Variants in MAD1L1 observed in about 807,000 individuals in gnomAD.
MAD1L1 encodes mitotic arrest deficient 1 like 1.
Under a neutral mutation model 96.9 loss-of-function variants are expected in MAD1L1, and 95 were observed. The observed-to-expected ratio is 0.98, with a 90% CI of 0.83 to 1.16. The LOEUF (loss-of-function observed/expected upper bound fraction) is 1.16, where lower values mean the gene tolerates loss of function less well. Ranked by LOEUF, MAD1L1 falls within the 50% of genes most tolerant of loss-of-function variation. The probability of loss-of-function intolerance (pLI) is 0.00; values close to 1 mark genes in which losing one functional copy is unlikely to be tolerated. For synonymous variants in MAD1L1, 473 were observed against 396.6 expected, an observed-to-expected ratio of 1.19 and a Z score of -2.29; for missense variants, 1,007 against 954.4, an observed-to-expected ratio of 1.06 and a Z score of -0.73.
intron 18 of MAD1L1, among the ~76,000 whole-genome samples, chr7:1,888,412 G>A (rs1368763183): frequency 6.6e-6 from 1 of 150,802 alleles, no homozygotes; most frequent in East Asian, 2.0e-4. Flanking sequence ...GTGGCTGCCT[G>A]TGCATGTGAG....
rs1167385152 is a variant in MAD1L1, at chr7:2,216,373, GA to G, written c.679-87del. On this transcript the variant is annotated intron_variant, in intron 7 of 18. Coordinates refer to ENST00000265854, the MANE Select transcript of MAD1L1 (RefSeq NM_001013836.2). ...ATCACACGCACACGGCTAAGAGAAGGAAGCCGGTCTGCAACGGCTATACACA... is the reference window on the plus strand; with the variant it reads ...ATCACACGCACACGGCTAAGAGAAGGAGCCGGTCTGCAACGGCTATACACA... 7.1e-6 allele frequency: 10 copies of G among 1,405,246 alleles called. No individual in the cohort carries two copies. The African/African-American group carries it at 1.3e-4, about 18-fold the overall frequency. 87.0% of individuals were successfully genotyped at this position (1,405,246 alleles called of 1,614,324 possible). A position where few individuals can be genotyped will look rare whatever the true frequency, so the allele number is the denominator to read the frequency against.
intron 18 of MAD1L1, among the ~76,000 whole-genome samples, chr7:1,820,512 A>AC (rs1386553123): frequency 6.6e-6 from 1 of 152,138 alleles, no homozygotes; most frequent in Non-Finnish European, 1.5e-5. Flanking sequence ...CACACCTGTA[A>AC]TCTTTGCACT....
chr7:2,195,509 T>C (rs1190674993), intron 10 of MAD1L1, among the ~76,000 whole-genome samples: 1 of 152,194 alleles, frequency 6.6e-6, no homozygotes, highest in Non-Finnish European at 1.5e-5. Context: ...TCCTATCAGC[T>C]CAAAAGCAGA....
intron 18 of MAD1L1, among the ~76,000 whole-genome samples, chr7:1,872,166 C>A (rs967398675): frequency 6.6e-6 from 1 of 152,224 alleles, no homozygotes; most frequent in African/African-American, 2.4e-5. Flanking sequence ...GAGGCTGACA[C>A]CTACCCCGCA....
intron 17 of MAD1L1, among the ~76,000 whole-genome samples, chr7:1,908,986 A>G (rs971079169): frequency 1.3e-5 from 2 of 152,190 alleles, no homozygotes; most frequent in African/African-American, 4.8e-5. Flanking sequence ...CAGCATTGGC[A>G]TCTCCAGATC....
chr7:1,930,969 G>A (rs1415623871), intron 17 of MAD1L1, among the ~76,000 whole-genome samples: 1 of 152,204 alleles, frequency 6.6e-6, no homozygotes, highest in Non-Finnish European at 1.5e-5. Flanking sequence ...CCCTTTGCAG[G>A]GACTGTGCAG....
At chr7:2,170,607 T>C (rs1340808422) in intron 10 of MAD1L1, among the ~76,000 whole-genome samples, 1 of 152,124 alleles carries the variant, frequency 6.6e-6, no homozygotes, top group South Asian at 2.1e-4. Context: ...CTCGTGGTCA[T>C]TGCTTCATCT....
chr7:2,119,448 T>G lies in MAD1L1; in HGVS notation c.1073+29704A>C, dbSNP rs1426657118. ...GAGCTGTCGTGGGGCGCACACTCTC[T>G]GTAGCTGGCCAAAGCTGGACGACGC... On this transcript the variant is annotated intron_variant, in intron 11 of 18. Coordinates refer to ENST00000265854, the MANE Select transcript of MAD1L1 (RefSeq NM_001013836.2). The surrounding 1 kb of genome is among the most constrained non-coding windows in gnomAD (Gnocchi z 4.6). 6.6e-6 allele frequency among the ~76,000 whole-genome samples: 1 copy of G among 152,124 alleles called. No individual in the cohort carries two copies. The highest frequency in any genetic ancestry group is 1.5e-5 in the Non-Finnish European group (1 of 68,002).
chr7:1,823,525 C>A (rs1782235261), intron 18 of MAD1L1, among the ~76,000 whole-genome samples: 1 of 152,174 alleles, frequency 6.6e-6, no homozygotes, highest in African/African-American at 2.4e-5. Context: ...CCACAGGGGA[C>A]CCTGGCACCT....
intron 16 of MAD1L1, among the ~76,000 whole-genome samples, chr7:1,938,471 G>A (rs1008938853): frequency 1.3e-5 from 2 of 152,192 alleles, no homozygotes; most frequent in South Asian, 2.1e-4. Flanking sequence ...CACTGAAACA[G>A]TGGAAAGGCA....
chr7:1,851,688 G>A (rs1783987081), intron 18 of MAD1L1, among the ~76,000 whole-genome samples: 1 of 152,196 alleles, frequency 6.6e-6, no homozygotes, highest in African/African-American at 2.4e-5. Flanking sequence ...ACAGGGGAAG[G>A]TGCTGGGGAC....
At chr7:2,004,299 C>T (rs914725684) in intron 13 of MAD1L1, among the ~76,000 whole-genome samples, 43 of 152,178 alleles carry the variant, frequency 2.8e-4, no homozygotes, top group Non-Finnish European at 6.0e-4. Context: ...GAGATGCACC[C>T]GTTAGAGCCA....
At chr7:1,843,851 G>A (rs529950499) in intron 18 of MAD1L1, among the ~76,000 whole-genome samples, 6 of 152,342 alleles carry the variant, frequency 3.9e-5, no homozygotes, top group Non-Finnish European at 8.8e-5. Context: ...AGCTCCGAAT[G>A]ATTTTAGTGA....
intron 10 of MAD1L1, among the ~76,000 whole-genome samples, chr7:2,210,883 C>G (rs758469124): frequency 4.0e-5 from 6 of 151,842 alleles, no homozygotes; most frequent in Non-Finnish European, 7.4e-5. Flanking sequence ...GCACCAGCCC[C>G]TCTCCAACTC....
rs534856449 is a variant in MAD1L1, at chr7:2,081,306, T to C, written c.1074-11968A>G. Among the ~76,000 whole-genome samples, 30 of 152,298 alleles carry C rather than the reference T, an allele frequency of 2.0e-4. No individual in the cohort carries two copies. The South Asian group carries it at 5.6e-3, about 28-fold the overall frequency. On this transcript the variant is annotated intron_variant, in intron 11 of 18. Coordinates refer to ENST00000265854, the MANE Select transcript of MAD1L1 (RefSeq NM_001013836.2). ...CTGGGCTCCTTGCCCCTTCCTCATC[T>C]GGATCATAGGTTCTAGCGAAAGTCC...
chr7:2,215,190 C>T (rs1024305648), intron 9 of MAD1L1, among the ~76,000 whole-genome samples: 1 of 152,032 alleles, frequency 6.6e-6, no homozygotes, highest in Admixed American at 6.6e-5. Flanking sequence ...CCATCCTAGC[C>T]AACGTGGTGA....
intron 18 of MAD1L1, among the ~76,000 whole-genome samples, chr7:1,834,583 G>C (rs1181959298): frequency 6.6e-6 from 1 of 152,176 alleles, no homozygotes; most frequent in Non-Finnish European, 1.5e-5. Context: ...AAAAGAAAAA[G>C]ACAATGTGAA....
chr7:2,123,030 G>A (rs1358096189), intron 11 of MAD1L1, among the ~76,000 whole-genome samples: 2 of 150,280 alleles, frequency 1.3e-5, no homozygotes, highest in African/African-American at 2.5e-5. Flanking sequence ...GGAGCCGGGC[G>A]CAGTGGCTCA....
intron 10 of MAD1L1, among the ~76,000 whole-genome samples, chr7:2,159,944 C>T (rs1050524285): frequency 6.6e-5 from 10 of 152,150 alleles, no homozygotes; most frequent in Non-Finnish European, 1.2e-4. Flanking sequence ...CAAAAGAAGT[C>T]TGGCCAGGCG....
Sources: gnomAD v4.1 joint callset for allele counts (sites outside exome capture counted in the v4.1 genomes callset) on GRCh38, gnomAD v4.1.1 for gene constraint, Gnocchi (gnomAD v3.1) non-coding constraint, MANE v1.5 for transcripts, NCBI Gene and HGNC (gene_info 2026-07-23, HGNC 2026-07-21) for gene names.